Variants in FGF2 observed in about 807,000 individuals in gnomAD.
FGF2 encodes the protein fibroblast growth factor 2.
A neutral mutation model predicts 15.9 loss-of-function variants in FGF2; 13 were observed. The ratio of observed to expected loss-of-function variants is 0.82; its 90% CI spans 0.53 to 1.30. The LOEUF is 1.30. FGF2 is among the 50% of genes most tolerant of loss of function. The pLI is 0.00. For synonymous variants in FGF2, 90 were observed against 78.4 expected, an observed-to-expected ratio of 1.15 and a Z score of -0.78; for missense variants, 163 against 196.9, an observed-to-expected ratio of 0.83 and a Z score of 1.03.
intron 2 of FGF2, among the ~76,000 whole-genome samples, chr4:122,891,656 T>A (rs1484409203): frequency 6.6e-6 from 1 of 152,212 alleles, no homozygotes; most frequent in African/African-American, 2.4e-5. Flanking sequence ...TAAAAAACAT[T>A]AGCCACTTAA....
intron 1 of FGF2, among the ~76,000 whole-genome samples, chr4:122,863,156 G>A (rs1480067460): frequency 2.0e-5 from 3 of 152,152 alleles, no homozygotes; most frequent in Non-Finnish European, 4.4e-5. Context: ...CACCTCAGAA[G>A]CGTTCTATGC....
intron 1 of FGF2, among the ~76,000 whole-genome samples, chr4:122,848,024 C>G (rs1726152084): frequency 6.6e-6 from 1 of 152,222 alleles, no homozygotes; most frequent in African/African-American, 2.4e-5. Flanking sequence ...ATAAAATTAA[C>G]CATCACAAGG....
Position 122,892,792 on chromosome 4 carries a change from G to A in FGF2, c.*396G>A, listed in dbSNP as rs200167049. On this transcript the variant is annotated 3_prime_UTR_variant, in exon 3 of 3. Coordinates refer to ENST00000644866, the MANE Select transcript of FGF2 (RefSeq NM_001361665.2). ...ATGTCCACTATTTCTTATGTCATTC[G>A]TTAGTCTACATGTTTCTAAACATAT... 103 of 1,483,610 alleles carry A rather than the reference G, an allele frequency of 6.9e-5. No individual in the cohort carries two copies. In the East Asian group the frequency reaches 1.8e-3, roughly 26 times the overall value. 91.9% of individuals were successfully genotyped at this position (1,483,610 alleles called of 1,614,324 possible).
intron 2 of FGF2, among the ~76,000 whole-genome samples, chr4:122,885,972 G>T (rs1482972447): frequency 3.4e-5 from 5 of 146,564 alleles, no homozygotes; most frequent in African/African-American, 1.3e-4. Flanking sequence ...AGGCTGGAGG[G>T]CAGTGGTGTG....
At chr4:122,869,793 T>C (rs183857837) in intron 1 of FGF2, among the ~76,000 whole-genome samples, 5 of 152,202 alleles carry the variant, frequency 3.3e-5, no homozygotes, top group Non-Finnish European at 5.9e-5. Flanking sequence ...CAGAGACAAT[T>C]TGACTTCCTC....
chr4:122,867,121 G>C (rs1007572112), intron 1 of FGF2, among the ~76,000 whole-genome samples: 1 of 152,206 alleles, frequency 6.6e-6, no homozygotes, highest in African/African-American at 2.4e-5. Context: ...ATACAGACAG[G>C]TTGCCCAGGG....
chr4:122,844,905 G>A (rs1315241026), intron 1 of FGF2, among the ~76,000 whole-genome samples: 2 of 152,072 alleles, frequency 1.3e-5, no homozygotes, highest in African/African-American at 4.8e-5. Context: ...CCAAAATTTT[G>A]GAATTACAGG....
At chr4:122,855,908 T>C (rs308444) in intron 1 of FGF2, among the ~76,000 whole-genome samples, 12,073 of 152,210 alleles carry the variant, frequency 0.079, 1,575 homozygotes, top group African/African-American at 0.27. Context: ...TATTTGAGCT[T>C]CATCCTTCTT....
chr4:122,878,117 A>G (rs1259161800), intron 2 of FGF2, among the ~76,000 whole-genome samples: 1 of 152,222 alleles, frequency 6.6e-6, no homozygotes, highest in African/African-American at 2.4e-5. Flanking sequence ...GTGACAATCC[A>G]GGGGAGGCAG....
At chr4:122,864,182 T>C (rs1726526238) in intron 1 of FGF2, among the ~76,000 whole-genome samples, 1 of 152,232 alleles carries the variant, frequency 6.6e-6, no homozygotes, top group African/African-American at 2.4e-5. Flanking sequence ...GCTTTTCTTT[T>C]TCCTAATTTT....
chr4:122,876,522 G>A (rs778059883), intron 2 of FGF2, 98 bp downstream of exon 2: 13 of 786,802 alleles, frequency 1.7e-5, no homozygotes, highest in Middle Eastern at 2.2e-4. Flanking sequence ...AGGATTTTAC[G>A]TGTATCATCG....
At position 122,892,877 on chromosome 4, in the gene FGF2, T is replaced by C. The variant is rs1237104557; in HGVS notation, c.*481T>C. 5.6e-6 allele frequency: 9 copies of C among 1,611,970 alleles called. No individual in the cohort carries two copies. The highest frequency in any genetic ancestry group is 1.6e-4 in the Middle Eastern group (1 of 6,074). ...ATAATTCTCTGGCAGTTCCTTATGA[T>C]AGAGTTTATAAAACAGTCCTGTGTA... On this transcript the variant is annotated 3_prime_UTR_variant, in exon 3 of 3. Coordinates refer to ENST00000644866, the MANE Select transcript of FGF2 (RefSeq NM_001361665.2).
intron 2 of FGF2, among the ~76,000 whole-genome samples, chr4:122,878,425 G>A (rs992987566): frequency 6.6e-6 from 1 of 152,136 alleles, no homozygotes; most frequent in Non-Finnish European, 1.5e-5. Flanking sequence ...TCTACTTGAT[G>A]TATCTCTAGA....
At chr4:122,875,167 T>C (rs1726812776) in intron 1 of FGF2, among the ~76,000 whole-genome samples, 1 of 152,164 alleles carries the variant, frequency 6.6e-6, no homozygotes, top group Non-Finnish European at 1.5e-5. Flanking sequence ...TGCCTCTGAA[T>C]AGCAAAATAA....
At chr4:122,836,468 TTCTC>T (rs1003967847) in intron 1 of FGF2, among the ~76,000 whole-genome samples, 1 of 152,180 alleles carries the variant, frequency 6.6e-6, no homozygotes, top group Non-Finnish European at 1.5e-5. Context: ...TATCTAAAAA[TTCTC>T]TCTAATAGCT....
chr4:122,846,255 T>C (rs945577353), intron 1 of FGF2, among the ~76,000 whole-genome samples: 1 of 152,158 alleles, frequency 6.6e-6, no homozygotes, highest in Non-Finnish European at 1.5e-5. Flanking sequence ...CAGATCACCA[T>C]AATACATGTA....
chr4:122,877,903 A>G (rs1245874894), intron 2 of FGF2, among the ~76,000 whole-genome samples: 1 of 152,240 alleles, frequency 6.6e-6, no homozygotes, highest in Non-Finnish European at 1.5e-5. Context: ...ATATACTTAC[A>G]TTGATATTAC....
At chr4:122,866,165 C>T (rs4356923) in intron 1 of FGF2, among the ~76,000 whole-genome samples, 22,957 of 152,032 alleles carry the variant, frequency 0.15, 2,326 homozygotes, top group East Asian at 0.45. Flanking sequence ...GTCAGGAGAT[C>T]GAGACCATCC....
intron 1 of FGF2, among the ~76,000 whole-genome samples, chr4:122,833,128 A>T (rs999673257): frequency 5.3e-5 from 8 of 151,912 alleles, no homozygotes; most frequent in Non-Finnish European, 8.8e-5. Flanking sequence ...GTGACTTTTG[A>T]CTTGACCGGT....
Sources: allele counts gnomAD v4.1 joint callset (sites outside exome capture counted in the v4.1 genomes callset), GRCh38; gene constraint gnomAD v4.1.1; transcripts MANE v1.5; gene names NCBI Gene and HGNC (gene_info 2026-07-23, HGNC 2026-07-21).